Variants in KIF16B observed in about 807,000 individuals in gnomAD.
KIF16B encodes the protein kinesin family member 16B, also known as kinesin-like protein KIF16B.
Under a neutral mutation model 156.3 loss-of-function variants are expected in KIF16B, and 98 were observed. That is an observed-to-expected ratio of 0.63 (90% CI 0.53 to 0.74). KIF16B has a LOEUF of 0.74. Among genes scored for constraint, KIF16B ranks in the 30% least tolerant of loss-of-function variants. The pLI is 0.00. For synonymous variants in KIF16B, 564 were observed against 583.7 expected, an observed-to-expected ratio of 0.97 and a Z score of 0.49; for missense variants, 1,421 against 1,606.5, an observed-to-expected ratio of 0.88 and a Z score of 1.97.
At chr20:16,525,447 C>G (rs1267291963) in intron 3 of KIF16B, among the ~76,000 whole-genome samples, 1 of 152,148 alleles carries the variant, frequency 6.6e-6, no homozygotes, top group Non-Finnish European at 1.5e-5. Context: ...GAGAAATATA[C>G]TTGTCCCTCT....
At chr20:16,466,597 C>T (rs1318515889) in intron 12 of KIF16B, among the ~76,000 whole-genome samples, 1 of 152,184 alleles carries the variant, frequency 6.6e-6, no homozygotes, top group Non-Finnish European at 1.5e-5. Flanking sequence ...TGACTTTGCT[C>T]CTCCTTTGCC....
In KIF16B at chr20:16,451,945, CA is replaced by C. The variant is rs377199121; in HGVS notation, c.1303-21964del. On this transcript the variant is annotated intron_variant, in intron 12 of 25. Transcript: ENST00000354981. ...TTCTTGTCCTAAAAAGCATGAAAAGCAGCTGGAAGAGTAACTAGAACCTCTT... is the reference window on the plus strand; with the variant it reads ...TTCTTGTCCTAAAAAGCATGAAAAGCGCTGGAAGAGTAACTAGAACCTCTT... 1.9e-4 allele frequency among the ~76,000 whole-genome samples: 29 copies of C among 152,272 alleles called. No homozygotes were observed. In the East Asian group the frequency reaches 5.0e-3, roughly 26 times the overall value.
chr20:16,307,404 A>C (rs979705129), intron 25 of KIF16B, among the ~76,000 whole-genome samples: 1 of 152,212 alleles, frequency 6.6e-6, no homozygotes, highest in East Asian at 1.9e-4. Context: ...GTGAAGGTGA[A>C]GCATGTGTGA....
At chr20:16,495,397 G>C (rs546879712) in intron 11 of KIF16B, among the ~76,000 whole-genome samples, 1 of 152,272 alleles carries the variant, frequency 6.6e-6, no homozygotes, top group African/African-American at 2.4e-5. Context: ...GGTATTCAAG[G>C]CAGCAAACTT....
chr20:16,411,839 T>C (rs1433776423), intron 15 of KIF16B, among the ~76,000 whole-genome samples: 1 of 151,746 alleles, frequency 6.6e-6, no homozygotes, highest in Non-Finnish European at 1.5e-5. Flanking sequence ...CCCCATCACA[T>C]GAGGTTAGGT....
intron 22 of KIF16B, among the ~76,000 whole-genome samples, chr20:16,360,319 G>T (rs1269042225): frequency 6.6e-6 from 1 of 151,914 alleles, no homozygotes; most frequent in Non-Finnish European, 1.5e-5. Context: ...AGTATGTTGA[G>T]GTTTATACTA....
At chr20:16,368,731 C>T in intron 22 of KIF16B, 1 of 985,886 alleles carries the variant, frequency 1.0e-6, no homozygotes, top group Non-Finnish European at 1.2e-6. Context: ...CGGGGCACTG[C>T]AGGATGCTCT....
intron 25 of KIF16B, among the ~76,000 whole-genome samples, chr20:16,307,182 C>T (rs2063553139): frequency 1.3e-5 from 2 of 152,138 alleles, no homozygotes; most frequent in East Asian, 1.9e-4. Flanking sequence ...ATTCTGGAAA[C>T]TTTTGTGGTT....
intron 24 of KIF16B, among the ~76,000 whole-genome samples, chr20:16,323,811 G>A (rs1163286488): frequency 6.6e-6 from 1 of 151,732 alleles, no homozygotes; most frequent in African/African-American, 2.4e-5. Flanking sequence ...CCTAACAGAA[G>A]CTGCTGTCCT....
At chr20:16,426,255 GTC>G (rs2066348925) in intron 15 of KIF16B, among the ~76,000 whole-genome samples, 1 of 151,960 alleles carries the variant, frequency 6.6e-6, no homozygotes, top group South Asian at 2.1e-4. Flanking sequence ...AGTCAGAAAA[GTC>G]TCTCTTTGGG....
intron 20 of KIF16B, among the ~76,000 whole-genome samples, chr20:16,373,297 G>T (rs1046854085): frequency 1.7e-4 from 26 of 152,188 alleles, no homozygotes; most frequent in African/African-American, 6.0e-4. Flanking sequence ...AAGTAACCCT[G>T]TGAGATATGA....
intron 3 of KIF16B, among the ~76,000 whole-genome samples, chr20:16,515,968 T>C (rs1016086136): frequency 1.3e-5 from 2 of 152,248 alleles, no homozygotes; most frequent in African/African-American, 4.8e-5. Flanking sequence ...GCAAAGACTA[T>C]TTTAAAGCAT....
chr20:16,373,967 C>T (rs2064882617), intron 20 of KIF16B, among the ~76,000 whole-genome samples: 1 of 152,266 alleles, frequency 6.6e-6, no homozygotes, highest in Admixed American at 6.5e-5. Flanking sequence ...GATTTTGTAT[C>T]AAAGAGCCAT....
At chr20:16,360,800 G>A (rs1458632612) in intron 22 of KIF16B, among the ~76,000 whole-genome samples, 1 of 152,168 alleles carries the variant, frequency 6.6e-6, no homozygotes, top group Non-Finnish European at 1.5e-5. Context: ...AAGGTACATT[G>A]TAAATATTCA....
At chr20:16,540,723 T>C (rs1467214410) in intron 1 of KIF16B, among the ~76,000 whole-genome samples, 1 of 150,450 alleles carries the variant, frequency 6.6e-6, no homozygotes, top group Admixed American at 6.6e-5. Flanking sequence ...CCTGGCTCCA[T>C]GAATTAGTTT....
At chr20:16,491,461 T>C (rs2068289185) in intron 12 of KIF16B, among the ~76,000 whole-genome samples, 1 of 152,194 alleles carries the variant, frequency 6.6e-6, no homozygotes, top group African/African-American at 2.4e-5. Context: ...TCTCTCTCAT[T>C]ACCTAACTGT....
intron 6 of KIF16B, 85 bp downstream of exon 6, chr20:16,511,333 C>A (rs1346151234): frequency 5.7e-6 from 4 of 695,680 alleles, no homozygotes; most frequent in South Asian, 2.7e-5. Flanking sequence ...TTTAAAAGCT[C>A]ACCATTATGC....
intron 12 of KIF16B, among the ~76,000 whole-genome samples, chr20:16,466,848 T>C (rs1179051186): frequency 6.6e-6 from 1 of 152,174 alleles, no homozygotes; most frequent in African/African-American, 2.4e-5. Flanking sequence ...AGAAGCTCCA[T>C]GTGGACAAGT....
At chr20:16,315,925 C>T (rs889400526) in intron 24 of KIF16B, among the ~76,000 whole-genome samples, 3 of 152,108 alleles carry the variant, frequency 2.0e-5, no homozygotes, top group Non-Finnish European at 4.4e-5. Flanking sequence ...AAAGCCAAGG[C>T]CATAATGTAA....
Sources: gnomAD v4.1 joint callset for allele counts (sites outside exome capture counted in the v4.1 genomes callset) on GRCh38, gnomAD v4.1.1 for gene constraint, MANE v1.5 for transcripts, NCBI Gene and HGNC (gene_info 2026-07-23, HGNC 2026-07-21) for gene names.